The following STPG1 variants were observed in gnomAD, a reference collection of about 807,000 sequenced individuals.
The protein encoded by STPG1 is sperm tail PG-rich repeat containing 1, also known as O(6)-methylguanine-induced apoptosis 2.
A neutral mutation model predicts 40.1 loss-of-function variants in STPG1; 33 were observed. That is an observed-to-expected ratio of 0.82 (90% confidence interval 0.62 to 1.10). STPG1 has a LOEUF of 1.10. Among genes scored for constraint, STPG1 ranks in the 50% least tolerant of loss-of-function variants. STPG1 has a pLI of 0.00. For synonymous variants in STPG1, 150 were observed against 155.0 expected (o/e 0.97, Z 0.24); for missense variants, 396 against 415.1 (o/e 0.95, Z 0.40).
intron 7 of STPG1, 26 bp downstream of exon 7, chr1:24,369,648 G>C (rs1641638447): frequency 8.3e-6 from 13 of 1,560,600 alleles, no homozygotes; most frequent in Non-Finnish European, 1.0e-5. Flanking sequence ...CCTTTCAAAA[G>C]AAAGACCAGA....
rs549102088 is a variant in STPG1 at position 24,364,151 on chromosome 1, G to A, written c.738-3110C>T. ...AAACACCAACTTTCCCTGCAAACTC[G>A]AATTCAATTCTTGACGTTCTCACTT... On this transcript the variant is annotated intron_variant, in intron 7 of 8. Transcript: ENST00000337248. 7.7e-5 allele frequency: 113 copies of A among 1,474,070 alleles called. 1 individual carries two copies. In the South Asian group the frequency reaches 1.4e-3, roughly 18 times the overall value. The allele number at this position is 1,474,070 out of a possible 1,614,324, so 91.3% of individuals were successfully genotyped here.
At chr1:24,385,425 C>G (rs1642463700) in intron 3 of STPG1, among the ~76,000 whole-genome samples, 1 of 152,064 alleles carries the variant, frequency 6.6e-6, no homozygotes, top group African/African-American at 2.4e-5. Context: ...CTCCAGCACC[C>G]CAGGCCGAGA....
intron 6 of STPG1, 46 bp from the exon 7 acceptor site, chr1:24,369,885 G>A: frequency 6.6e-7 from 1 of 1,514,464 alleles, no homozygotes; most frequent in Non-Finnish European, 8.9e-7. Flanking sequence ...CTCTTCTCAA[G>A]TAAATAAAAA....
intron 1 of STPG1, among the ~76,000 whole-genome samples, chr1:24,406,109 T>C (rs1345065063): frequency 2.1e-5 from 3 of 141,378 alleles, no homozygotes; most frequent in African/African-American, 7.4e-5. Flanking sequence ...ATCAATTTCC[T>C]ACTTGTTATA....
chr1:24,386,027 TC>T (rs1258712969), intron 3 of STPG1, among the ~76,000 whole-genome samples: 10 of 152,354 alleles, frequency 6.6e-5, no homozygotes, highest in Admixed American at 4.6e-4. Context: ...GCAAGAATTT[TC>T]TGAGCACTCA....
intron 2 of STPG1, among the ~76,000 whole-genome samples, chr1:24,392,532 C>T (rs1642819855): frequency 6.6e-6 from 1 of 152,184 alleles, no homozygotes; most frequent in Non-Finnish European, 1.5e-5. Context: ...AAGTTCAAAC[C>T]ACGCAGACCC....
chr1:24,400,206 A>G (rs1643166696), intron 2 of STPG1, among the ~76,000 whole-genome samples: 1 of 152,270 alleles, frequency 6.6e-6, no homozygotes, highest in African/African-American at 2.4e-5. Flanking sequence ...ACTCATAGAT[A>G]AGACAAACCA....
At chr1:24,378,489 G>T (rs1642131190) in intron 5 of STPG1, among the ~76,000 whole-genome samples, 1 of 152,090 alleles carries the variant, frequency 6.6e-6, no homozygotes, top group African/African-American at 2.4e-5. Context: ...CAAAAAATTA[G>T]CCGGGTGTGG....
intron 4 of STPG1, among the ~76,000 whole-genome samples, chr1:24,382,660 G>A (rs944727719): frequency 6.6e-6 from 1 of 152,162 alleles, no homozygotes; most frequent in Non-Finnish European, 1.5e-5. Context: ...TACAAACTCA[G>A]CTTCTTCGGT....
Position 24,369,675 on chromosome 1 carries a change from G to A in STPG1, c.736C>T (p.Pro246Ser), listed in dbSNP as rs1319841894. 1.3e-6 allele frequency: 2 copies of A among 1,590,050 alleles called. No homozygotes were observed. Among genetic ancestry groups the A allele is most frequent in the Non-Finnish European group, 1.7e-6 (2 of 1,165,392 alleles). ...AAGACCAGAATGATTGGGACTCACG[G>A]GAAAAGAGTCTTTTTTGGAACTTTT... ...CTKVPKKTLF[P>S]KNPILNFSAQ... Residue 246 changes from proline (P) to serine (S), a missense_variant and splice_region_variant, in exon 7 of 9, where the codon CCG becomes TCG. Pro to Ser is a moderately conservative substitution (Grantham distance 74). Coordinates refer to ENST00000337248, the MANE Select transcript of STPG1 (RefSeq NM_001199013.2).
chr1:24,390,656 TG>T (rs1031402696), intron 3 of STPG1, among the ~76,000 whole-genome samples: 3 of 152,102 alleles, frequency 2.0e-5, no homozygotes, highest in African/African-American at 7.2e-5. Context: ...TGACCTCAGG[TG>T]ATCTGTCTAC....
At chr1:24,391,895 A>C (rs1332285310) in intron 2 of STPG1, 3 of 1,304,824 alleles carry the variant, frequency 2.3e-6, no homozygotes, top group Non-Finnish European at 2.9e-6. Flanking sequence ...CCAGCTCTTA[A>C]ATTAGTGAGA....
Position 24,369,711 on chromosome 1 carries a change from TG to T in STPG1, c.699del (p.Ser234ValfsTer18). On this transcript the variant is annotated frameshift_variant, in exon 7 of 9. Coordinates refer to ENST00000337248, the MANE Select transcript of STPG1 (RefSeq NM_001199013.2). LOFTEE classifies it high-confidence loss of function. ...STGPGPGYYN[P>X]SDCTKVPKKT... ...TTTTTTGGAACTTTTGTGCAATCAC[TG>T]GGGTTGTAATAACCAGGTCCCGGGC... 1 of 1,606,722 alleles carries T rather than the reference TG, an allele frequency of 6.2e-7. No homozygotes were observed. Among genetic ancestry groups the T allele is most frequent in the Non-Finnish European group, 8.5e-7 (1 of 1,175,248 alleles).
In STPG1 at chr1:24,357,768, T is replaced by G. The variant is rs1640817107; in HGVS notation, c.*775A>C. Reference sequence around the variant, plus strand: ...GGGCACATTTCTTTTTCCCTCCACATAGAGAGACGAAAGCTATCAGGCCTA... The same window carrying G: ...GGGCACATTTCTTTTTCCCTCCACAGAGAGAGACGAAAGCTATCAGGCCTA... On this transcript the variant is annotated 3_prime_UTR_variant, in exon 9 of 9. Coordinates refer to ENST00000337248, the MANE Select transcript of STPG1 (RefSeq NM_001199013.2). 5.2e-6 allele frequency: 1 copy of G among 192,608 alleles called. No individual in the cohort carries two copies. Among genetic ancestry groups the G allele is most frequent in the African/African-American group, 2.3e-5 (1 of 42,880 alleles). 11.9% of individuals were successfully genotyped at this position (192,608 alleles called of 1,614,324 possible).
At chr1:24,412,481 G>A (rs1643733841) in intron 1 of STPG1, among the ~76,000 whole-genome samples, 1 of 149,906 alleles carries the variant, frequency 6.7e-6, no homozygotes, top group African/African-American at 2.5e-5. Context: ...ACATTATATT[G>A]TATGTTTATT....
chr1:24,358,053 G>A lies in STPG1; in HGVS notation c.*490C>T, dbSNP rs1179843005. 5 of 372,044 alleles carry A rather than the reference G, an allele frequency of 1.3e-5. No homozygotes were observed. Among genetic ancestry groups the A allele is most frequent in the East Asian group, 7.3e-5 (1 of 13,624 alleles). 23.0% of individuals were successfully genotyped at this position (372,044 alleles called of 1,614,324 possible). ...GTAGCTTTCGCCCAGTAGACATACC[G>A]TAAGTGAGTGAGGTCAGAAAGGGAC... On this transcript the variant is annotated 3_prime_UTR_variant, in exon 9 of 9. Transcript: ENST00000337248.
chr1:24,387,574 C>T (rs1221550222), intron 3 of STPG1, among the ~76,000 whole-genome samples: 1 of 152,218 alleles, frequency 6.6e-6, no homozygotes, highest in East Asian at 1.9e-4. Flanking sequence ...CCAGCCTCCA[C>T]TGCACCAGCT....
At chr1:24,412,011 A>T (rs1290770009) in intron 1 of STPG1, 1 of 152,212 alleles carries the variant, frequency 6.6e-6, no homozygotes, top group African/African-American at 2.4e-5. Context: ...ACTCAAAGTA[A>T]GTCTCATTTC....
chr1:24,414,823 G>C (rs554348123), upstream of STPG1: 279 of 152,182 alleles, frequency 1.8e-3, 1 homozygote, highest in Admixed American at 2.0e-3. Context: ...GAGCCACCGC[G>C]CCGGCCCCCA....
Sources: gnomAD v4.1 joint callset for allele counts (sites outside exome capture counted in the v4.1 genomes callset) on GRCh38, gnomAD v4.1.1 for gene constraint, MANE v1.5 for transcripts, NCBI Gene and HGNC (gene_info 2026-07-23, HGNC 2026-07-21) for gene names.